HS2ST1: variants seen among roughly 807,000 people sequenced by gnomAD.
HS2ST1 encodes 2-O-sulfotransferase.
Under a neutral mutation model 42.9 loss-of-function variants are expected in HS2ST1, and 18 were observed. The observed-to-expected ratio is 0.42, with a 90% CI of 0.29 to 0.62. The LOEUF (loss-of-function observed/expected upper bound fraction) is 0.62. HS2ST1 is among the 20% of genes least tolerant of loss of function. The pLI is 0.21. For missense variants in HS2ST1, 334 were observed against 433.8 expected (o/e 0.77, Z 2.04); for synonymous variants, 146 against 152.9 (o/e 0.95, Z 0.33).
At position 86,967,543 on chromosome 1, in the gene HS2ST1, T is replaced by C. The variant is rs111680167; in HGVS notation, c.124+52383T>C. 1.4e-4 allele frequency among the ~76,000 whole-genome samples: 21 copies of C among 152,354 alleles called. 1 individual carries two copies. Among genetic ancestry groups the C allele is most frequent in the South Asian group, 6.2e-4 (3 of 4,828 alleles). Reference sequence around the variant, plus strand: ...TAGCTCCTACTTATAAGTGAGAACATAGGGTATTTGGTTGTCCATTCCTGA... The same window carrying C: ...TAGCTCCTACTTATAAGTGAGAACACAGGGTATTTGGTTGTCCATTCCTGA... On this transcript the variant is annotated intron_variant, in intron 1 of 6. Coordinates refer to ENST00000370550, the MANE Select transcript of HS2ST1 (RefSeq NM_012262.4).
In HS2ST1 at chr1:87,018,157, CACACACAG is replaced by C. The variant is rs1339719441; in HGVS notation, c.125-54769_125-54762del. ...CCACACACACACACACACACACACA[CACACACAG>C]ACACACACACACACAAAGAAAAAAC... On this transcript the variant is annotated intron_variant, in intron 1 of 6. Transcript: ENST00000370550. 5.9e-5 allele frequency among the ~76,000 whole-genome samples: 5 copies of C among 84,560 alleles called. No individual in the cohort carries two copies. In the South Asian group the frequency reaches 1.3e-3, roughly 23 times the overall value. The allele number at this position is 84,560 out of a possible 152,430, so 55.5% of individuals were successfully genotyped here. A position where few individuals can be genotyped will look rare whatever the true frequency, so the allele number is the denominator to read the frequency against.
At chr1:87,040,298 A>G (rs922488643) in intron 1 of HS2ST1, among the ~76,000 whole-genome samples, 2 of 151,992 alleles carry the variant, frequency 1.3e-5, no homozygotes, top group East Asian at 3.9e-4. Flanking sequence ...GAACAGAGAG[A>G]TTTTGCCTTT....
chr1:86,969,082 A>T (rs553916219), intron 1 of HS2ST1, among the ~76,000 whole-genome samples: 3 of 152,232 alleles, frequency 2.0e-5, no homozygotes, highest in Non-Finnish European at 4.4e-5. Flanking sequence ...AGTATGTACT[A>T]AATATAAAGT....
chr1:87,108,753 C>T lies in HS2ST1; in HGVS notation c.*4057C>T, dbSNP rs141659894. 4 of 152,372 alleles carry T rather than the reference C, an allele frequency of 2.6e-5. No individual in the cohort carries two copies. Among genetic ancestry groups the T allele is most frequent in the East Asian group, 1.9e-4 (1 of 5,192 alleles). 9.4% of individuals were successfully genotyped at this position (152,372 alleles called of 1,614,324 possible). ...CCTGATGGTGATGAACTCTTTAGAA[C>T]GCATTACTGTTAAGCCTGTGTTGAG... is the stretch of plus-strand genomic sequence containing the variant. On this transcript the variant is annotated 3_prime_UTR_variant, in exon 7 of 7. Transcript: ENST00000370550.
intron 6 of HS2ST1, among the ~76,000 whole-genome samples, chr1:87,103,810 G>A (rs1055943418): frequency 6.6e-6 from 1 of 152,158 alleles, no homozygotes; most frequent in Non-Finnish European, 1.5e-5. Context: ...ACAAAGTACA[G>A]AACCAGCCAT....
At position 86,941,731 on chromosome 1, in the gene HS2ST1, C is replaced by T. The variant is rs188579098; in HGVS notation, c.124+26571C>T. On this transcript the variant is annotated intron_variant, in intron 1 of 6. Coordinates refer to ENST00000370550, the MANE Select transcript of HS2ST1 (RefSeq NM_012262.4). ...CGGAGGTTGCAGTGAGCCGAGATTG[C>T]ACCACTGCACTCCAGCCTGGGCAAC... Among the ~76,000 whole-genome samples the T allele has an allele frequency of 3.8e-3, 581 of 152,030 alleles. 4 individuals are homozygous for T. Among genetic ancestry groups the T allele is most frequent in the Middle Eastern group, 0.017 (5 of 290 alleles).
At chr1:87,017,530 A>C (rs1479066388) in intron 1 of HS2ST1, among the ~76,000 whole-genome samples, 1 of 152,216 alleles carries the variant, frequency 6.6e-6, no homozygotes, top group Non-Finnish European at 1.5e-5. Flanking sequence ...GCAAGGAGAA[A>C]TGTTCTAAGT....
intron 1 of HS2ST1, among the ~76,000 whole-genome samples, chr1:87,027,923 C>G (rs977763555): frequency 6.6e-6 from 1 of 152,324 alleles, no homozygotes; most frequent in Middle Eastern, 3.4e-3. Flanking sequence ...CTCCTGACCT[C>G]AAGTGATCTG....
At chr1:86,957,712 ATGTTT>A (rs1647712023) in intron 1 of HS2ST1, among the ~76,000 whole-genome samples, 1 of 152,086 alleles carries the variant, frequency 6.6e-6, no homozygotes, top group Non-Finnish European at 1.5e-5. Flanking sequence ...TAAAAACATA[ATGTTT>A]TGTTGTGAAT....
chr1:86,979,949 AC>A (rs1248019808), intron 1 of HS2ST1, among the ~76,000 whole-genome samples: 4 of 152,170 alleles, frequency 2.6e-5, no homozygotes, highest in Admixed American at 6.5e-5. Context: ...GCATAAGATT[AC>A]CCTGTCTTCA....
intron 5 of HS2ST1, among the ~76,000 whole-genome samples, chr1:87,103,198 G>A (rs1652256255): frequency 6.6e-6 from 1 of 152,210 alleles, no homozygotes; most frequent in South Asian, 2.1e-4. Context: ...AATTGCTCAT[G>A]TTAAGAGTCC....
At chr1:86,968,998 G>A (rs1392435143) in intron 1 of HS2ST1, among the ~76,000 whole-genome samples, 2 of 152,140 alleles carry the variant, frequency 1.3e-5, no homozygotes, top group Non-Finnish European at 2.9e-5. Flanking sequence ...TTTTCATGAA[G>A]TTATTCTTTG....
intron 1 of HS2ST1, among the ~76,000 whole-genome samples, chr1:86,918,559 C>T (rs1032965518): frequency 6.6e-6 from 1 of 151,802 alleles, no homozygotes; most frequent in African/African-American, 2.4e-5. Flanking sequence ...AGGAAACATC[C>T]TTATGTGTCC....
At chr1:86,937,636 A>G (rs1364668924) in intron 1 of HS2ST1, among the ~76,000 whole-genome samples, 1 of 152,092 alleles carries the variant, frequency 6.6e-6, no homozygotes, top group Non-Finnish European at 1.5e-5. Flanking sequence ...TATTTGGGAG[A>G]AAAGGTTTAA....
At chr1:87,072,836 C>A (rs1011343622) in intron 1 of HS2ST1, 98 bp from the exon 2 acceptor site, 2 of 854,756 alleles carry the variant, frequency 2.3e-6, no homozygotes. Context: ...TTTTTGTTTT[C>A]TTTTTTGTAT....
chr1:87,010,535 C>T (rs1649568635), intron 1 of HS2ST1, among the ~76,000 whole-genome samples: 1 of 151,598 alleles, frequency 6.6e-6, no homozygotes, highest in South Asian at 2.1e-4. Flanking sequence ...GTATAGAGTA[C>T]CATTCTGGTA....
chr1:87,104,094 A>C (rs941675142), intron 6 of HS2ST1, among the ~76,000 whole-genome samples: 3 of 152,182 alleles, frequency 2.0e-5, no homozygotes, highest in African/African-American at 7.2e-5. Context: ...ACATAATTTT[A>C]GAGAATACAG....
intron 2 of HS2ST1, among the ~76,000 whole-genome samples, chr1:87,077,267 C>T (rs1258702676): frequency 6.6e-6 from 1 of 152,138 alleles, no homozygotes; most frequent in Non-Finnish European, 1.5e-5. Context: ...CTACAAAATC[C>T]ACATTTCTTA....
intron 1 of HS2ST1, among the ~76,000 whole-genome samples, chr1:87,008,862 G>A (rs937790765): frequency 5.3e-5 from 8 of 152,004 alleles, no homozygotes; most frequent in South Asian, 2.1e-4. Context: ...TTATTTATTC[G>A]AGACAGGGTC....
Sources: gnomAD v4.1 joint callset for allele counts (sites outside exome capture counted in the v4.1 genomes callset) on GRCh38, gnomAD v4.1.1 for gene constraint, MANE v1.5 for transcripts, NCBI Gene and HGNC (gene_info 2026-07-23, HGNC 2026-07-21) for gene names.